The following ATL2 variants were observed in gnomAD, a reference collection of about 807,000 sequenced individuals.
The protein encoded by ATL2 is atlastin-2.
Under a neutral mutation model 73.9 loss-of-function variants are expected in ATL2, and 31 were observed. The ratio of observed to expected loss-of-function variants is 0.42; its 90% CI spans 0.32 to 0.57. ATL2 has a LOEUF of 0.57. Ranked by LOEUF, ATL2 falls within the 20% of genes least tolerant of loss-of-function variation. The pLI, the probability that ATL2 is intolerant of heterozygous loss-of-function variation, is 0.14. For missense variants in ATL2, 738 were observed against 702.6 expected (o/e 1.05, Z -0.57); for synonymous variants, 291 against 237.5 (o/e 1.23, Z -2.07).
chr2:38,361,277 C>T (rs1286149647), intron 1 of ATL2, among the ~76,000 whole-genome samples: 1 of 150,802 alleles, frequency 6.6e-6, no homozygotes, highest in African/African-American at 2.4e-5. Flanking sequence ...TGGCATGAAC[C>T]CGGGAGGTGG....
intron 2 of ATL2, among the ~76,000 whole-genome samples, chr2:38,338,104 G>A (rs991682875): frequency 5.3e-5 from 8 of 152,106 alleles, no homozygotes; most frequent in African/African-American, 1.9e-4. Context: ...ATTTCACTTT[G>A]AAAAGGTTTA....
At chr2:38,345,901 T>A (rs1212850133) in intron 1 of ATL2, among the ~76,000 whole-genome samples, 1 of 152,102 alleles carries the variant, frequency 6.6e-6, no homozygotes, top group Admixed American at 6.6e-5. Flanking sequence ...ACTCATAGGG[T>A]TGTCATCAGG....
chr2:38,302,786 C>T (rs916631165), intron 9 of ATL2, among the ~76,000 whole-genome samples: 1 of 152,196 alleles, frequency 6.6e-6, no homozygotes, highest in African/African-American at 2.4e-5. Context: ...GCAGATACAG[C>T]TGCAGTGACC....
rs567664965 is a variant in ATL2, at chr2:38,343,574, G to A, written c.119-62C>T. 15 of 1,514,130 alleles carry A rather than the reference G, an allele frequency of 9.9e-6. No individual in the cohort carries two copies. The South Asian group carries it at 1.6e-4, about 16-fold the overall frequency. 93.8% of individuals were successfully genotyped at this position (1,514,130 alleles called of 1,614,324 possible). A position where few individuals can be genotyped will look rare whatever the true frequency, so the allele number is the denominator to read the frequency against. ...CCCTATATTACGAACTTTCATTAAG[G>A]ACCACAACTAAAGCAAAATTTCAAG... On this transcript the variant is annotated intron_variant, in intron 1 of 12. Coordinates refer to ENST00000378954, the MANE Select transcript of ATL2 (RefSeq NM_001135673.4).
At position 38,370,952 on chromosome 2, in the gene ATL2, T is replaced by C. The variant is rs77931699; in HGVS notation, c.118+6191A>G. 7.0e-3 allele frequency among the ~76,000 whole-genome samples: 1,026 copies of C among 146,358 alleles called. 9 individuals are homozygous for C. The highest frequency in any genetic ancestry group is 0.058 in the East Asian group (283 of 4,920). ...CAGCCTGTGCAACAAGGCTAGCCCC[T>C]ATCTCGGGGGGGAAAAAAATAAGGA... On this transcript the variant is annotated intron_variant, in intron 1 of 12. Transcript: ENST00000378954.
chr2:38,370,834 G>A (rs1671647266), intron 1 of ATL2, among the ~76,000 whole-genome samples: 1 of 151,640 alleles, frequency 6.6e-6, no homozygotes, highest in South Asian at 2.1e-4. Context: ...CAAGCCTGTA[G>A]ACCTAGCTAC....
At chr2:38,355,298 T>C (rs753469908) in intron 1 of ATL2, among the ~76,000 whole-genome samples, 8 of 152,146 alleles carry the variant, frequency 5.3e-5, no homozygotes, top group Non-Finnish European at 1.0e-4. Flanking sequence ...AGCTAACTTC[T>C]GTATTTTTAG....
intron 1 of ATL2, among the ~76,000 whole-genome samples, chr2:38,353,255 T>A (rs914954733): frequency 6.6e-6 from 1 of 151,986 alleles, no homozygotes; most frequent in Non-Finnish European, 1.5e-5. Flanking sequence ...CAAAAAACTA[T>A]AGAAACTATT....
intron 9 of ATL2, 92 bp from the exon 10 acceptor site, chr2:38,300,420 T>A (rs1424277320): frequency 1.2e-6 from 1 of 827,084 alleles, no homozygotes; most frequent in Non-Finnish European, 2.0e-6. Context: ...TAAAAATAAT[T>A]AACACCATTA....
At chr2:38,354,539 A>G (rs1389591487) in intron 1 of ATL2, among the ~76,000 whole-genome samples, 1 of 152,218 alleles carries the variant, frequency 6.6e-6, no homozygotes, top group African/African-American at 2.4e-5. Context: ...GATGAATATC[A>G]TTAGCCCTAG....
chr2:38,372,500 AT>A (rs1671747113), intron 1 of ATL2, among the ~76,000 whole-genome samples: 1 of 152,190 alleles, frequency 6.6e-6, no homozygotes, highest in Non-Finnish European at 1.5e-5. Flanking sequence ...CTAATTTCCC[AT>A]GGATACCAAG....
At chr2:38,343,600 T>G in intron 1 of ATL2, 88 bp from the exon 2 acceptor site, 1 of 1,185,930 alleles carries the variant, frequency 8.4e-7, no homozygotes, top group Non-Finnish European at 1.2e-6. Flanking sequence ...AAATTTCAAG[T>G]AAGTAATTGC....
intron 1 of ATL2, among the ~76,000 whole-genome samples, chr2:38,347,648 C>G (rs1352263278): frequency 1.3e-5 from 2 of 152,132 alleles, no homozygotes; most frequent in African/African-American, 4.8e-5. Context: ...ACCCTGTTAA[C>G]CATTCTCTAC....
intron 3 of ATL2, 31 bp from the exon 4 acceptor site, chr2:38,318,670 A>T: frequency 1.3e-6 from 2 of 1,526,002 alleles, no homozygotes; most frequent in South Asian, 2.4e-5. Flanking sequence ...AATATTTAGT[A>T]AAACAGTTGC....
chr2:38,371,530 A>T (rs566029531), intron 1 of ATL2, among the ~76,000 whole-genome samples: 143 of 152,096 alleles, frequency 9.4e-4, no homozygotes, highest in African/African-American at 2.8e-3. Context: ...CAAAATTTTT[A>T]AAAAAATTAC....
chr2:38,339,002 G>A (rs1282260784), intron 2 of ATL2, among the ~76,000 whole-genome samples: 3 of 152,034 alleles, frequency 2.0e-5, no homozygotes, highest in African/African-American at 7.2e-5. Flanking sequence ...AATCACCTGA[G>A]GTCAGGAGTT....
At chr2:38,325,887 T>G (rs1344228999) in intron 2 of ATL2, among the ~76,000 whole-genome samples, 2 of 138,978 alleles carry the variant, frequency 1.4e-5, no homozygotes, top group African/African-American at 3.0e-5. Context: ...TAGTTTAAGG[T>G]TTTGTTTGTT....
chr2:38,307,672 A>C (rs566813631), intron 9 of ATL2, among the ~76,000 whole-genome samples: 16 of 152,250 alleles, frequency 1.1e-4, no homozygotes, highest in African/African-American at 3.8e-4. Flanking sequence ...GACGCAACCC[A>C]CAGACTGGGA....
At chr2:38,331,903 T>C (rs543944831) in intron 2 of ATL2, among the ~76,000 whole-genome samples, 16 of 152,128 alleles carry the variant, frequency 1.1e-4, no homozygotes, top group African/African-American at 3.9e-4. Flanking sequence ...TTATTCCTAA[T>C]AGTCATAAAA....
Sources: gnomAD v4.1 joint callset for allele counts (sites outside exome capture counted in the v4.1 genomes callset) on GRCh38, gnomAD v4.1.1 for gene constraint, MANE v1.5 for transcripts, NCBI Gene and HGNC (gene_info 2026-07-23, HGNC 2026-07-21) for gene names.